PLCL1: variants seen among roughly 807,000 people sequenced by gnomAD.
PLCL1 encodes inactive phospholipase C-like protein 1.
PLCL1 carries 41 observed loss-of-function variants against 84.4 expected under a neutral mutation model. That is an observed-to-expected ratio of 0.49 (90% CI 0.38 to 0.63). PLCL1 has a LOEUF of 0.63. Ranked by LOEUF, PLCL1 falls within the 30% of genes least tolerant of loss-of-function variation. The probability of loss-of-function intolerance (pLI) is 0.00; values close to 1 mark genes in which losing one functional copy is unlikely to be tolerated. For missense variants in PLCL1, 1,206 were observed against 1,367.8 expected, an observed-to-expected ratio of 0.88 and a Z score of 1.87; for synonymous variants, 490 against 488.3, an observed-to-expected ratio of 1.00 and a Z score of -0.05.
chr2:198,140,712 A>G (rs1694365661), intron 5 of PLCL1, among the ~76,000 whole-genome samples: 2 of 152,232 alleles, frequency 1.3e-5, no homozygotes, highest in South Asian at 2.1e-4. Context: ...CATCTGCTGC[A>G]TTTTACAATT....
At chr2:197,859,431 T>C (rs1687389610) in intron 1 of PLCL1, among the ~76,000 whole-genome samples, 1 of 152,188 alleles carries the variant, frequency 6.6e-6, no homozygotes, top group South Asian at 2.1e-4. Context: ...TGCTTAAAAA[T>C]TTTACTGTAT....
Position 198,149,819 on chromosome 2 carries a change from GT to G in PLCL1, c.*2859del, listed in dbSNP as rs1373924540. The stretch of plus-strand genomic sequence containing the variant: ...AGGGTGTTTAAAATTTTAACAATAT[GT>G]TATGGATATCTTTCTGTGTCAATAA... On this transcript the variant is annotated 3_prime_UTR_variant, in exon 6 of 6. Transcript: ENST00000428675. 2 of 152,080 alleles carry G rather than the reference GT, an allele frequency of 1.3e-5. No individual in the cohort carries two copies. Among genetic ancestry groups the G allele is most frequent in the African/African-American group, 4.8e-5 (2 of 41,408 alleles). The allele number at this position is 152,080 out of a possible 1,614,324, so 9.4% of individuals were successfully genotyped here.
At chr2:197,984,213 A>G (rs1051012215) in intron 1 of PLCL1, among the ~76,000 whole-genome samples, 22 of 152,324 alleles carry the variant, frequency 1.4e-4, no homozygotes, top group African/African-American at 5.0e-4. Flanking sequence ...TTTACTTTCA[A>G]TGTTTTAGTA....
chr2:198,084,637 A>G lies in PLCL1; in HGVS notation c.1120A>G (p.Ile374Val). The G allele has an allele frequency of 6.2e-7, 1 of 1,614,144 alleles. No individual in the cohort carries two copies. Among genetic ancestry groups the G allele is most frequent in the Non-Finnish European group, 8.5e-7 (1 of 1,179,994 alleles). ...EEGRQKGFLAIDGFTQYLLSS... is the reference protein window; with the variant it reads ...EEGRQKGFLAVDGFTQYLLSS... Reference sequence around the variant, plus strand: ...GGGACGTCAAAAAGGGTTTCTTGCAATTGATGGCTTTACCCAGTATTTATT... The same window carrying G: ...GGGACGTCAAAAAGGGTTTCTTGCAGTTGATGGCTTTACCCAGTATTTATT... The change falls in exon 2 of 6, where the codon ATT (isoleucine) becomes GTT (valine). Residue 374 changes from isoleucine to valine, a missense_variant. By Grantham distance (29) the Ile-to-Val change is conservative (BLOSUM62 3). Transcript: ENST00000428675.
intron 1 of PLCL1, among the ~76,000 whole-genome samples, chr2:197,856,630 A>G (rs1179162771): frequency 1.3e-5 from 2 of 152,180 alleles, no homozygotes; most frequent in African/African-American, 4.8e-5. Flanking sequence ...TTCAACCTGG[A>G]CTATTTTACT....
intron 1 of PLCL1, among the ~76,000 whole-genome samples, chr2:197,981,674 A>T (rs1323761732): frequency 6.6e-6 from 1 of 152,192 alleles, no homozygotes; most frequent in Non-Finnish European, 1.5e-5. Context: ...AAGGGCCCGA[A>T]ATGTCTGTCT....
intron 1 of PLCL1, among the ~76,000 whole-genome samples, chr2:197,954,101 G>A (rs78720382): frequency 0.06 from 9,144 of 152,102 alleles, 376 homozygotes; most frequent in Middle Eastern, 0.099. Flanking sequence ...TTGGATACAT[G>A]GATATTTAGA....
intron 1 of PLCL1, among the ~76,000 whole-genome samples, chr2:197,954,590 G>A (rs1689450636): frequency 6.6e-6 from 1 of 152,080 alleles, no homozygotes; most frequent in South Asian, 2.1e-4. Context: ...ATCATGTAAT[G>A]CGTGTGCACT....
intron 1 of PLCL1, among the ~76,000 whole-genome samples, chr2:197,888,115 T>G (rs1687954153): frequency 6.6e-6 from 1 of 152,004 alleles, no homozygotes. Context: ...AAAATCTTAT[T>G]TTTACTAGCG....
chr2:197,844,714 T>C (rs1687086717), intron 1 of PLCL1, among the ~76,000 whole-genome samples: 2 of 152,238 alleles, frequency 1.3e-5, no homozygotes, highest in South Asian at 4.1e-4. Flanking sequence ...AGTGAATCAA[T>C]ATTGTAGGCC....
chr2:198,134,530 G>A (rs1236771985), intron 5 of PLCL1, among the ~76,000 whole-genome samples: 2 of 152,100 alleles, frequency 1.3e-5, no homozygotes, highest in African/African-American at 4.8e-5. Context: ...ACAGAACCTG[G>A]AACTCATGCC....
At chr2:197,943,997 C>T (rs905435562) in intron 1 of PLCL1, among the ~76,000 whole-genome samples, 4 of 152,160 alleles carry the variant, frequency 2.6e-5, no homozygotes, top group African/African-American at 7.2e-5. Context: ...CCTCTCTTCT[C>T]TGTTTCCTAA....
intron 3 of PLCL1, among the ~76,000 whole-genome samples, chr2:198,099,816 T>C (rs551568516): frequency 2.6e-5 from 4 of 152,184 alleles, no homozygotes; most frequent in Admixed American, 6.6e-5. Flanking sequence ...TATGTTTTGA[T>C]CCTAAATTTA....
chr2:197,866,794 C>G (rs1277586404), intron 1 of PLCL1, among the ~76,000 whole-genome samples: 1 of 152,176 alleles, frequency 6.6e-6, no homozygotes, highest in East Asian at 1.9e-4. Context: ...TTCCCCACTT[C>G]CCTACCACTG....
intron 4 of PLCL1, 63 bp from the exon 5 acceptor site, chr2:198,103,764 A>G (rs1027274959): frequency 8.2e-6 from 6 of 732,560 alleles, no homozygotes; most frequent in Non-Finnish European, 9.1e-6. Flanking sequence ...TAATATTTTC[A>G]TTATAAGATG....
chr2:198,120,022 G>A lies in PLCL1; in HGVS notation c.3105+16086G>A, dbSNP rs78096835. ...CCAAAGCTTGTTCTTCATATTGGGC[G>A]TTGTGTCCAACGTCACCATTGGATG... On this transcript the variant is annotated intron_variant, in intron 5 of 5. Transcript: ENST00000428675. Among the ~76,000 whole-genome samples the A allele has an allele frequency of 7.2e-4, 110 of 152,096 alleles. 1 individual carries two copies. Among genetic ancestry groups the A allele is most frequent in the African/African-American group, 2.4e-3 (100 of 41,524 alleles).
chr2:197,964,467 A>C (rs1187290923), intron 1 of PLCL1, among the ~76,000 whole-genome samples: 2 of 152,036 alleles, frequency 1.3e-5, no homozygotes, highest in East Asian at 3.9e-4. Flanking sequence ...TAACTTTACA[A>C]AATTTGTTTA....
intron 1 of PLCL1, among the ~76,000 whole-genome samples, chr2:197,951,466 AG>A (rs1351285659): frequency 2.6e-5 from 4 of 152,112 alleles, no homozygotes; most frequent in African/African-American, 9.7e-5. Flanking sequence ...ATTAGAAAAG[AG>A]TCAGTTCCTT....
chr2:198,121,531 C>A (rs529624984), intron 5 of PLCL1, among the ~76,000 whole-genome samples: 39 of 152,126 alleles, frequency 2.6e-4, no homozygotes, highest in African/African-American at 8.4e-4. Context: ...ATATGGACAT[C>A]CAGTTTTCCC....
Sources: gnomAD v4.1 joint callset for allele counts (sites outside exome capture counted in the v4.1 genomes callset) on GRCh38, gnomAD v4.1.1 for gene constraint, MANE v1.5 for transcripts, NCBI Gene and HGNC (gene_info 2026-07-23, HGNC 2026-07-21) for gene names.